KCNH8: variants seen among roughly 807,000 people sequenced by gnomAD.
KCNH8 encodes the protein potassium voltage-gated channel subfamily H member 8.
A neutral mutation model predicts 103.6 loss-of-function variants in KCNH8; 70 were observed. The ratio of observed to expected loss-of-function variants is 0.68; its 90% confidence interval spans 0.56 to 0.82. KCNH8 has a LOEUF of 0.82. Among genes scored for constraint, KCNH8 ranks in the 40% least tolerant of loss-of-function variants. The pLI is 0.00. For missense variants in KCNH8, 1,217 were observed against 1,329.9 expected, an observed-to-expected ratio of 0.92 and a Z score of 1.32; for synonymous variants, 498 against 489.4, an observed-to-expected ratio of 1.02 and a Z score of -0.23.
chr3:19,240,075 G>A (rs114622007), intron 1 of KCNH8, among the ~76,000 whole-genome samples: 3,893 of 152,052 alleles, frequency 0.026, 165 homozygotes, highest in African/African-American at 0.087. Context: ...TAGTATTGGC[G>A]TGGAAACATT....
chr3:19,307,129 A>G (rs2125293880), intron 3 of KCNH8, among the ~76,000 whole-genome samples: 1 of 152,116 alleles, frequency 6.6e-6, no homozygotes, highest in Non-Finnish European at 1.5e-5. Context: ...GAGTTCCTTC[A>G]ATAAAGGATG....
chr3:19,200,364 A>G (rs1179139982), intron 1 of KCNH8, among the ~76,000 whole-genome samples: 1 of 152,090 alleles, frequency 6.6e-6, no homozygotes, highest in Non-Finnish European at 1.5e-5. Flanking sequence ...GATAACTAAT[A>G]ATAGTCTATT....
At chr3:19,215,798 T>G in intron 1 of KCNH8, among the ~76,000 whole-genome samples, 1 of 152,194 alleles carries the variant, frequency 6.6e-6, no homozygotes, top group East Asian at 1.9e-4. Context: ...GAGAGACAAT[T>G]TACCCACGTC....
At chr3:19,325,503 A>C (rs2065409593) in intron 3 of KCNH8, among the ~76,000 whole-genome samples, 1 of 152,208 alleles carries the variant, frequency 6.6e-6, no homozygotes, top group Non-Finnish European at 1.5e-5. Context: ...AGAAAAAAAC[A>C]ACCCCATTAA....
intron 1 of KCNH8, among the ~76,000 whole-genome samples, chr3:19,243,791 G>A (rs1295029767): frequency 1.3e-5 from 2 of 152,082 alleles, no homozygotes; most frequent in African/African-American, 4.8e-5. Flanking sequence ...TAAAAAGGCT[G>A]TTCCAGTCAG....
intron 1 of KCNH8, among the ~76,000 whole-genome samples, chr3:19,187,724 A>C (rs2063516008): frequency 6.6e-6 from 1 of 152,112 alleles, no homozygotes; most frequent in African/African-American, 2.4e-5. Flanking sequence ...CTCTTTATGT[A>C]AGTTAACTAT....
chr3:19,304,028 A>T (rs1350853830), intron 3 of KCNH8, among the ~76,000 whole-genome samples: 1 of 152,214 alleles, frequency 6.6e-6, no homozygotes, highest in Non-Finnish European at 1.5e-5. Context: ...AAAATCAGGC[A>T]GTACTAAAAG....
chr3:19,344,219 C>T (rs2065699968), intron 4 of KCNH8, among the ~76,000 whole-genome samples: 1 of 151,954 alleles, frequency 6.6e-6, no homozygotes, highest in South Asian at 2.1e-4. Context: ...GGCTTGATTC[C>T]ATGCAAATCA....
At chr3:19,290,324 A>G (rs1310172742) in intron 3 of KCNH8, among the ~76,000 whole-genome samples, 1 of 152,138 alleles carries the variant, frequency 6.6e-6, no homozygotes, top group East Asian at 1.9e-4. Context: ...GTCTTGTGCC[A>G]GTTTTCAAAG....
chr3:19,223,576 T>C (rs148428149), intron 1 of KCNH8, among the ~76,000 whole-genome samples: 1 of 152,330 alleles, frequency 6.6e-6, no homozygotes, highest in Non-Finnish European at 1.5e-5. Flanking sequence ...TTGTGTAAGT[T>C]AAATGTGCTT....
At chr3:19,237,553 G>T (rs1291756547) in intron 1 of KCNH8, among the ~76,000 whole-genome samples, 1 of 152,204 alleles carries the variant, frequency 6.6e-6, no homozygotes, top group Non-Finnish European at 1.5e-5. Flanking sequence ...TTGAATATTA[G>T]TGTGTTCCTT....
At chr3:19,497,117 T>C (rs993317863) in intron 11 of KCNH8, among the ~76,000 whole-genome samples, 1 of 152,166 alleles carries the variant, frequency 6.6e-6, no homozygotes, top group Admixed American at 6.5e-5. Context: ...TATTTCTAAT[T>C]GTGTTTATTT....
intron 11 of KCNH8, among the ~76,000 whole-genome samples, chr3:19,489,481 C>G (rs1338537507): frequency 1.3e-5 from 2 of 152,138 alleles, no homozygotes; most frequent in Non-Finnish European, 2.9e-5. Context: ...CCCTGGCTTA[C>G]AAGTTACCTT....
intron 5 of KCNH8, among the ~76,000 whole-genome samples, chr3:19,380,778 C>T (rs150702716): frequency 9.2e-5 from 14 of 152,330 alleles, no homozygotes; most frequent in Admixed American, 3.3e-4. Context: ...ACCGAAATCA[C>T]GTGGGTGTGG....
At chr3:19,508,425 G>T (rs1035667371) in intron 11 of KCNH8, among the ~76,000 whole-genome samples, 2 of 152,116 alleles carry the variant, frequency 1.3e-5, no homozygotes, top group Non-Finnish European at 2.9e-5. Flanking sequence ...TGCTTAGTCA[G>T]TTATTACTTT....
intron 11 of KCNH8, among the ~76,000 whole-genome samples, chr3:19,502,703 C>T (rs1400652561): frequency 2.0e-5 from 3 of 150,758 alleles, no homozygotes; most frequent in African/African-American, 7.3e-5. Flanking sequence ...ATAAATGGTG[C>T]TGGGAAAACT....
At chr3:19,422,223 C>T (rs896604518) in intron 7 of KCNH8, among the ~76,000 whole-genome samples, 6 of 152,016 alleles carry the variant, frequency 3.9e-5, no homozygotes, top group South Asian at 2.1e-4. Flanking sequence ...TCTACATGTA[C>T]AGATCATGGT....
chr3:19,342,757 T>C (rs2065678554), intron 4 of KCNH8, 43 bp downstream of exon 4: 3 of 1,541,694 alleles, frequency 1.9e-6, no homozygotes, highest in Non-Finnish European at 2.6e-6. Context: ...GTGTTTCCCC[T>C]GGTGGCAATG....
chr3:19,371,071 C>T (rs369486300), intron 5 of KCNH8, among the ~76,000 whole-genome samples: 18 of 151,938 alleles, frequency 1.2e-4, no homozygotes, highest in African/African-American at 3.6e-4. Flanking sequence ...AATAAACATA[C>T]GTGTGCATGT....
Sources: gnomAD v4.1 joint callset for allele counts (sites outside exome capture counted in the v4.1 genomes callset) on GRCh38, gnomAD v4.1.1 for gene constraint, MANE v1.5 for transcripts, NCBI Gene and HGNC (gene_info 2026-07-23, HGNC 2026-07-21) for gene names.